The following NTM variants were observed in gnomAD, a reference collection of about 807,000 sequenced individuals.
The protein encoded by NTM is neurotrimin.
NTM carries 13 observed loss-of-function variants against 42.1 expected under a neutral mutation model. The ratio of observed to expected loss-of-function variants is 0.31; its 90% CI spans 0.20 to 0.49. The LOEUF is 0.49. Ranked by LOEUF, NTM falls within the 20% of genes least tolerant of loss-of-function variation. The probability of loss-of-function intolerance (pLI) is 0.99; values close to 1 mark genes in which losing one functional copy is unlikely to be tolerated. For synonymous variants in NTM, 187 were observed against 179.2 expected, an observed-to-expected ratio of 1.04 and a Z score of -0.35; for missense variants, 373 against 452.8, an observed-to-expected ratio of 0.82 and a Z score of 1.60.
At chr11:132,144,069 G>A (rs759654776) in intron 2 of NTM, among the ~76,000 whole-genome samples, 2 of 152,198 alleles carry the variant, frequency 1.3e-5, no homozygotes, top group Non-Finnish European at 2.9e-5. Context: ...GAGGAGACCT[G>A]AGTTTCTGCA....
At chr11:131,732,434 C>G (rs2079814513) in intron 1 of NTM, among the ~76,000 whole-genome samples, 1 of 152,156 alleles carries the variant, frequency 6.6e-6, no homozygotes. Context: ...CTTCTCTGTC[C>G]TGTCTTTCTC....
chr11:132,077,925 C>A (rs762590715), intron 2 of NTM, among the ~76,000 whole-genome samples: 6 of 152,148 alleles, frequency 3.9e-5, no homozygotes, highest in Non-Finnish European at 5.9e-5. Context: ...GAGTATCACT[C>A]ATAATATACG....
intron 1 of NTM, among the ~76,000 whole-genome samples, chr11:131,844,550 A>AT (rs1290227151): frequency 1.3e-5 from 2 of 152,168 alleles, no homozygotes; most frequent in Non-Finnish European, 2.9e-5. Context: ...CTTATAGAAT[A>AT]TTTTTGTATG....
intron 1 of NTM, among the ~76,000 whole-genome samples, chr11:131,397,703 G>A (rs576045787): frequency 3.3e-5 from 5 of 152,198 alleles, no homozygotes; most frequent in South Asian, 4.2e-4. Flanking sequence ...AGTTCCCTTC[G>A]GCATCAGGAT....
chr11:131,554,676 A>G (rs2055163270), intron 1 of NTM, among the ~76,000 whole-genome samples: 1 of 152,176 alleles, frequency 6.6e-6, no homozygotes, highest in Non-Finnish European at 1.5e-5. Flanking sequence ...GTGGGACGCA[A>G]AGGAATCCCT....
intron 2 of NTM, among the ~76,000 whole-genome samples, chr11:132,041,227 TAGATAGAGA>T (rs1566008355): frequency 1.1e-4 from 10 of 94,986 alleles, no homozygotes; most frequent in Admixed American, 4.6e-4. Flanking sequence ...GAGAGAGAGA[TAGATAGAGA>T]GAGAGAGAGA....
chr11:131,795,046 G>GA (rs199575736), intron 1 of NTM: 7 of 890,288 alleles, frequency 7.9e-6, no homozygotes, highest in Admixed American at 1.2e-4. Flanking sequence ...CAAAGGGGGG[G>GA]AAAAAAACAG....
chr11:131,520,818 T>C (rs984898201), intron 1 of NTM, among the ~76,000 whole-genome samples: 8 of 152,098 alleles, frequency 5.3e-5, no homozygotes, highest in African/African-American at 1.9e-4. Flanking sequence ...TATGTCTCAG[T>C]CCATTTTGGT....
intron 1 of NTM, among the ~76,000 whole-genome samples, chr11:131,794,114 G>A (rs2136171500): frequency 6.6e-6 from 1 of 152,306 alleles, no homozygotes; most frequent in Non-Finnish European, 1.5e-5. Flanking sequence ...CTGCTTGTCA[G>A]AAGGGAATGA....
At chr11:131,530,009 C>A (rs578189423) in intron 1 of NTM, among the ~76,000 whole-genome samples, 1 of 152,118 alleles carries the variant, frequency 6.6e-6, no homozygotes, top group East Asian at 1.9e-4. Context: ...ACTGGGTATT[C>A]GTTTACTCTA....
chr11:131,607,880 GTTTT>G (rs988370176), intron 1 of NTM, among the ~76,000 whole-genome samples: 1 of 110,510 alleles, frequency 9.0e-6, no homozygotes, highest in African/African-American at 3.0e-5. Flanking sequence ...GACATTTTTG[GTTTT>G]TTGTGTTTTT....
intron 1 of NTM, among the ~76,000 whole-genome samples, chr11:131,468,513 G>A (rs146075747): frequency 5.3e-5 from 8 of 152,246 alleles, no homozygotes; most frequent in East Asian, 3.9e-4. Context: ...TTCATGGGCC[G>A]ATATGCAGAG....
chr11:131,969,538 G>T (rs920903198), intron 2 of NTM, among the ~76,000 whole-genome samples: 1 of 152,192 alleles, frequency 6.6e-6, no homozygotes, highest in East Asian at 1.9e-4. Context: ...GCAAGGGGAG[G>T]CAGGGTGAGT....
At chr11:132,327,218 G>T (rs543751404) in intron 7 of NTM, among the ~76,000 whole-genome samples, 2 of 152,174 alleles carry the variant, frequency 1.3e-5, no homozygotes, top group East Asian at 1.9e-4. Flanking sequence ...CAAACTCAGC[G>T]GCTCCGTGGC....
intron 7 of NTM, among the ~76,000 whole-genome samples, chr11:132,321,188 C>T (rs548232410): frequency 3.3e-4 from 50 of 152,326 alleles, no homozygotes; most frequent in African/African-American, 9.6e-4. Context: ...ATGACTTTGA[C>T]GAGCTGAGAG....
At chr11:132,293,513 G>A (rs57664767) in intron 4 of NTM, among the ~76,000 whole-genome samples, 3,233 of 152,146 alleles carry the variant, frequency 0.021, 102 homozygotes, top group African/African-American at 0.073. Context: ...TGGGGAGGAT[G>A]TGGAGTGCAG....
At chr11:132,049,920 C>G (rs1039824442) in intron 2 of NTM, among the ~76,000 whole-genome samples, 10 of 152,146 alleles carry the variant, frequency 6.6e-5, no homozygotes, top group Non-Finnish European at 1.2e-4. Context: ...GTGGGGGGCC[C>G]TTCCAACAGT....
intron 3 of NTM, among the ~76,000 whole-genome samples, chr11:132,208,380 A>G (rs919026317): frequency 2.0e-5 from 3 of 152,210 alleles, no homozygotes; most frequent in Non-Finnish European, 2.9e-5. Context: ...TCTCTATGCC[A>G]TGAATGATCT....
intron 1 of NTM, among the ~76,000 whole-genome samples, chr11:131,716,570 C>A (rs572794825): frequency 6.6e-6 from 1 of 152,124 alleles, no homozygotes; most frequent in Non-Finnish European, 1.5e-5. Flanking sequence ...ATAGTGTTAT[C>A]TCACTGTGGT....
Sources: allele counts gnomAD v4.1 joint callset (sites outside exome capture counted in the v4.1 genomes callset), GRCh38; gene constraint gnomAD v4.1.1; transcripts MANE v1.5; gene names NCBI Gene and HGNC (gene_info 2026-07-23, HGNC 2026-07-21).